Variants in C16orf78 observed in about 807,000 individuals in gnomAD.
The protein encoded by C16orf78 is uncharacterized protein C16orf78.
Under a neutral mutation model 27.3 loss-of-function variants are expected in C16orf78, and 19 were observed. That is an observed-to-expected ratio of 0.70 (90% CI 0.49 to 1.02). The LOEUF (loss-of-function observed/expected upper bound fraction) is 1.02. C16orf78 is among the 50% of genes least tolerant of loss of function. C16orf78 has a pLI of 0.00. For synonymous variants in C16orf78, 130 were observed against 116.1 expected (o/e 1.12, Z -0.77); for missense variants, 339 against 337.0 (o/e 1.01, Z -0.05).
In C16orf78 at chr16:49,374,047, G is replaced by A; in HGVS notation, c.108G>A (p.Glu36=). ...TGTCTGACCTCACCTGTGTGCTGGA[G>A]TGGCTGGAGCGGAGGCAGGGGAAGA... is the stretch of plus-strand genomic sequence containing the variant. ...RRMSDLTCVL[E]WLERRQGKKK... The change falls in exon 1 of 5, where the codon GAG becomes GAA. Residue 36 remains glutamate (E), a synonymous_variant. Transcript: ENST00000299191. 6.2e-7 allele frequency: 1 copy of A among 1,614,196 alleles called. No homozygotes were observed. The highest frequency in any genetic ancestry group is 8.5e-7 in the Non-Finnish European group (1 of 1,180,024).
rs374209737 is a variant in C16orf78, at chr16:49,373,932, A to G, written c.-8A>G. 4.3e-6 allele frequency: 7 copies of G among 1,613,946 alleles called. No individual in the cohort carries two copies. The highest frequency in any genetic ancestry group is 5.9e-6 in the Non-Finnish European group (7 of 1,179,970). On this transcript the variant is annotated 5_prime_UTR_variant, in exon 1 of 5. Coordinates refer to ENST00000299191, the MANE Select transcript of C16orf78 (RefSeq NM_144602.4). The stretch of plus-strand genomic sequence containing the variant: ...ACCTCCCACCCAAGCCACTAGCAAG[A>G]CTCCACAATGTCAGAGCAACAAATG...
At chr16:49,383,192 G>C (rs1484326676) in intron 3 of C16orf78, among the ~76,000 whole-genome samples, 1 of 152,236 alleles carries the variant, frequency 6.6e-6, no homozygotes, top group African/African-American at 2.4e-5. Context: ...TCTAGGAACA[G>C]TCTGGGCCTC....
At chr16:49,389,779 G>T (rs568945488) in intron 3 of C16orf78, among the ~76,000 whole-genome samples, 1 of 151,890 alleles carries the variant, frequency 6.6e-6, no homozygotes, top group African/African-American at 2.4e-5. Flanking sequence ...TATAAACCCC[G>T]CAAGTGTTAT....
At chr16:49,392,926 C>T (rs1388799408) in intron 3 of C16orf78, among the ~76,000 whole-genome samples, 1 of 152,112 alleles carries the variant, frequency 6.6e-6, no homozygotes, top group South Asian at 2.1e-4. Context: ...AGGTGTTTCC[C>T]ATGCTGTCCT....
At chr16:49,384,893 T>C (rs1965329410) in intron 3 of C16orf78, among the ~76,000 whole-genome samples, 1 of 152,140 alleles carries the variant, frequency 6.6e-6, no homozygotes, top group Admixed American at 6.5e-5. Context: ...GGAATGAATA[T>C]TTAAAATATT....
In C16orf78 at chr16:49,374,297, A is replaced by C. The variant is rs79070890; in HGVS notation, c.150+208A>C. Among the ~76,000 whole-genome samples, 992 of 152,246 alleles carry C rather than the reference A, an allele frequency of 6.5e-3. 15 individuals carry two copies. Among genetic ancestry groups the C allele is most frequent in the African/African-American group, 0.023 (956 of 41,562 alleles). On this transcript the variant is annotated intron_variant, in intron 1 of 4. Transcript: ENST00000299191. ...GTCTGTGTTGCTAATTCGCACTTAT[A>C]AATGTTAGGCTCCCATCCTCTCACA...
At chr16:49,384,777 A>G (rs1266290085) in intron 3 of C16orf78, among the ~76,000 whole-genome samples, 1 of 152,250 alleles carries the variant, frequency 6.6e-6, no homozygotes, top group African/African-American at 2.4e-5. Context: ...AGACAATGAA[A>G]GAATTTTGAA....
At chr16:49,397,770 A>T (rs757010523) in intron 4 of C16orf78, among the ~76,000 whole-genome samples, 1 of 152,052 alleles carries the variant, frequency 6.6e-6, no homozygotes, top group Non-Finnish European at 1.5e-5. Context: ...TCAGAGTGGG[A>T]TTTATTATTA....
In C16orf78 at chr16:49,390,082, C is replaced by A. The variant is rs573069053; in HGVS notation, c.395-6341C>A. ...TTCCAATACTTTAAAGGTTGCTGTA[C>A]TGTCCTCTAGCTTGTTTGCAATGGG... On this transcript the variant is annotated intron_variant, in intron 3 of 4. Coordinates refer to ENST00000299191, the MANE Select transcript of C16orf78 (RefSeq NM_144602.4). 1.1e-4 allele frequency among the ~76,000 whole-genome samples: 16 copies of A among 152,260 alleles called. No individual in the cohort carries two copies. In the South Asian group the frequency reaches 3.3e-3, roughly 32 times the overall value.
chr16:49,375,929 C>T (rs27810), intron 1 of C16orf78, among the ~76,000 whole-genome samples: 6,862 of 152,282 alleles, frequency 0.045, 437 homozygotes, highest in African/African-American at 0.14. Flanking sequence ...CTAATAATCA[C>T]ATTTTAACAA....
chr16:49,386,637 C>G (rs1260074504), intron 3 of C16orf78, among the ~76,000 whole-genome samples: 1 of 152,114 alleles, frequency 6.6e-6, no homozygotes, highest in Non-Finnish European at 1.5e-5. Flanking sequence ...TCCTTTGTTC[C>G]CCTCTATGTG....
chr16:49,386,997 T>A (rs1452648318), intron 3 of C16orf78, among the ~76,000 whole-genome samples: 1 of 152,216 alleles, frequency 6.6e-6, no homozygotes, highest in African/African-American at 2.4e-5. Flanking sequence ...ATAGTTCTAC[T>A]TTTAGTTCTT....
Position 49,377,825 on chromosome 16 carries a change from G to T in C16orf78, c.245G>T (p.Arg82Leu), listed in dbSNP as rs148823994. The change falls in exon 2 of 5, where the codon CGC becomes CTC. Residue 82 changes from arginine to leucine, a missense_variant. Physicochemically the swap from Arg to Leu is moderately radical, Grantham distance 102 (BLOSUM62 -2). Coordinates refer to ENST00000299191, the MANE Select transcript of C16orf78 (RefSeq NM_144602.4). Reference protein sequence around the residue: ...KGLMTARGGNRRDTETSQQAL... With the variant: ...KGLMTARGGNLRDTETSQQAL... ...CTCATGACAGCACGGGGAGGGAACC[G>T]CAGGGACACGGAGACTTCCCAGCAG... 6.3e-7 allele frequency: 1 copy of T among 1,581,894 alleles called. No homozygotes were observed. The highest frequency in any genetic ancestry group is 8.6e-7 in the Non-Finnish European group (1 of 1,162,776).
chr16:49,378,336 G>A lies in C16orf78; in HGVS notation c.271-134G>A, dbSNP rs538050788. 1.3e-4 allele frequency: 177 copies of A among 1,323,414 alleles called. 1 individual carries two copies. The African/African-American group carries it at 2.4e-3, about 18-fold the overall frequency. The allele number at this position is 1,323,414 out of a possible 1,614,324, so 82.0% of individuals were successfully genotyped here. A position where few individuals can be genotyped will look rare whatever the true frequency, so the allele number is the denominator to read the frequency against. ...GCCCCTCCGACCTCTCCCAGGGCCC[G>A]GGGAAGCTCTCTCCTTGGTTGCCTT... On this transcript the variant is annotated intron_variant, in intron 2 of 4. Transcript: ENST00000299191.
chr16:49,399,088 T>A (rs1239551501), intron 4 of C16orf78, 43 bp from the exon 5 acceptor site: 1 of 1,600,862 alleles, frequency 6.2e-7, no homozygotes, highest in Non-Finnish European at 8.5e-7. Flanking sequence ...GAAGCTGCTG[T>A]GACTCCACCT....
intron 3 of C16orf78, among the ~76,000 whole-genome samples, chr16:49,382,572 T>G (rs1447717795): frequency 1.3e-5 from 2 of 152,284 alleles, no homozygotes; most frequent in East Asian, 3.9e-4. Flanking sequence ...TTACATGTCT[T>G]TGCAGGAAGT....
In C16orf78 at chr16:49,377,804, T is replaced by G. The variant is rs760680742; in HGVS notation, c.224T>G (p.Met75Arg). Residue 75 changes from methionine (M) to arginine (R), a missense_variant, in exon 2 of 5, where the codon ATG becomes AGG. Coordinates refer to ENST00000299191, the MANE Select transcript of C16orf78 (RefSeq NM_144602.4). ...KKEEKKGKGL[M>R]TARGGNRRDT... ...GAAGAGAAGAAAGGCAAAGGCCTCA[T>G]GACAGCACGGGGAGGGAACCGCAGG... The G allele has an allele frequency of 1.9e-6, 3 of 1,592,068 alleles. No individual in the cohort carries two copies.
Position 49,377,739 on chromosome 16 carries a change from G to C in C16orf78, c.159G>C (p.Lys53Asn), listed in dbSNP as rs1286018184. The C allele has an allele frequency of 6.2e-7, 1 of 1,603,876 alleles. No homozygotes were observed. The highest frequency in any genetic ancestry group is 1.1e-5 in the South Asian group (1 of 88,542). Residue 53 changes from lysine (K) to asparagine (N), a missense_variant, in exon 2 of 5, where the codon AAG becomes AAC. Transcript: ENST00000299191. ...GKKKQAPEKQ[K>N]PKVVTVLKRN... ...TTCCCTTGTCTTTTCAGAAGCAAAA[G>C]CCCAAAGTGGTGACAGTCCTTAAAC...
chr16:49,381,380 A>G (rs983535174), intron 3 of C16orf78, among the ~76,000 whole-genome samples: 1 of 152,126 alleles, frequency 6.6e-6, no homozygotes, highest in Non-Finnish European at 1.5e-5. Flanking sequence ...TAGATATTTT[A>G]TTCTCTTTGA....
Sources: allele counts gnomAD v4.1 joint callset (sites outside exome capture counted in the v4.1 genomes callset), GRCh38; gene constraint gnomAD v4.1.1; transcripts MANE v1.5; gene names NCBI Gene and HGNC (gene_info 2026-07-23, HGNC 2026-07-21).